PCMTD1: variants seen among roughly 807,000 people sequenced by gnomAD.
PCMTD1 encodes the protein protein-L-isoaspartate (D-aspartate) O-methyltransferase domain containing 1, also known as protein-L-isoaspartate O-methyltransferase domain-containing protein 1.
A neutral mutation model predicts 37.6 loss-of-function variants in PCMTD1; 12 were observed. The observed-to-expected ratio is 0.32, with a 90% confidence interval of 0.20 to 0.52. PCMTD1 has a LOEUF of 0.52. Among genes scored for constraint, PCMTD1 ranks in the 20% least tolerant of loss-of-function variants. The pLI, the probability that PCMTD1 is intolerant of heterozygous loss-of-function variation, is 0.97. For missense variants in PCMTD1, 235 were observed against 421.3 expected (o/e 0.56, Z 3.87); for synonymous variants, 117 against 135.8 (o/e 0.86, Z 0.96).
At position 51,844,604 on chromosome 8, in the gene PCMTD1, A is replaced by G. The variant is rs560506214; in HGVS notation, c.410+1057T>C. On this transcript the variant is annotated intron_variant, in intron 3 of 5. Transcript: ENST00000522514. The stretch of plus-strand genomic sequence containing the variant: ...TGGGATTGCAAAGGGGAATGAAACA[A>G]AAGTACAAGAGGAAGGGGAGGAAGG... 9.8e-5 allele frequency among the ~76,000 whole-genome samples: 15 copies of G among 152,306 alleles called. No homozygotes were observed. The South Asian group carries it at 2.5e-3, about 25-fold the overall frequency.
intron 1 of PCMTD1, among the ~76,000 whole-genome samples, chr8:51,870,790 T>C (rs2038627735): frequency 6.6e-6 from 1 of 152,210 alleles, no homozygotes; most frequent in Non-Finnish European, 1.5e-5. Context: ...GCTGAAAAGA[T>C]GTTCAATTCA....
At chr8:51,838,007 G>A (rs2038091980) in intron 3 of PCMTD1, among the ~76,000 whole-genome samples, 1 of 152,064 alleles carries the variant, frequency 6.6e-6, no homozygotes, top group Admixed American at 6.6e-5. Flanking sequence ...GGCTGGTTCT[G>A]AACTCCTGAA....
chr8:51,857,109 A>G (rs2038402059), intron 2 of PCMTD1, among the ~76,000 whole-genome samples: 1 of 152,238 alleles, frequency 6.6e-6, no homozygotes, highest in South Asian at 2.1e-4. Context: ...GTCCCATGAC[A>G]AAGAGAGAGA....
intron 2 of PCMTD1, among the ~76,000 whole-genome samples, 161 bp from the exon 3 acceptor site, chr8:51,845,924 C>T (rs1436449727): frequency 7.3e-5 from 11 of 151,714 alleles, no homozygotes; most frequent in South Asian, 2.1e-4. Flanking sequence ...TGGAAATCCA[C>T]GTACATTGCT....
intron 1 of PCMTD1, among the ~76,000 whole-genome samples, chr8:51,881,326 GTTTA>G (rs779526215): frequency 1.3e-5 from 2 of 152,278 alleles, no homozygotes; most frequent in South Asian, 2.1e-4. Flanking sequence ...TATCTCTTGT[GTTTA>G]TTTACCTCTG....
chr8:51,846,872 C>T (rs1020394200), intron 2 of PCMTD1, among the ~76,000 whole-genome samples: 15 of 152,100 alleles, frequency 9.9e-5, no homozygotes, highest in Admixed American at 3.3e-4. Flanking sequence ...ACCCAAAATC[C>T]AATAAGGATA....
intron 1 of PCMTD1, among the ~76,000 whole-genome samples, chr8:51,889,320 T>A (rs1212647404): frequency 3.9e-5 from 6 of 152,236 alleles, no homozygotes; most frequent in Admixed American, 2.0e-4. Context: ...CTATCATTAA[T>A]TGAGCACTTA....
intron 2 of PCMTD1, among the ~76,000 whole-genome samples, chr8:51,857,949 G>T (rs2038415283): frequency 6.6e-6 from 1 of 152,164 alleles, no homozygotes; most frequent in East Asian, 1.9e-4. Context: ...CCAAGACCGT[G>T]TCACCACGCT....
intron 5 of PCMTD1, chr8:51,826,870 A>T: frequency 1.2e-6 from 1 of 847,822 alleles, no homozygotes; most frequent in Non-Finnish European, 1.4e-6. Context: ...AACCACAGAA[A>T]GAAATAGGAT....
chr8:51,826,993 TTA>T, intron 5 of PCMTD1: 2 of 937,980 alleles, frequency 2.1e-6, no homozygotes, highest in Non-Finnish European at 2.5e-6. Context: ...GGCAAATAAT[TTA>T]TATATATATT....
chr8:51,859,952 G>A (rs985982487), intron 2 of PCMTD1, among the ~76,000 whole-genome samples: 4 of 151,724 alleles, frequency 2.6e-5, no homozygotes, highest in Non-Finnish European at 4.4e-5. Context: ...CTATTTTAAC[G>A]TATGCCACAC....
At chr8:51,892,047 TGAG>T (rs2038943761) in intron 1 of PCMTD1, among the ~76,000 whole-genome samples, 1 of 152,148 alleles carries the variant, frequency 6.6e-6, no homozygotes, top group Non-Finnish European at 1.5e-5. Context: ...CAGCAAACCA[TGAG>T]GAGCAGACAC....
At chr8:51,824,491 G>C (rs551615393) in intron 5 of PCMTD1, among the ~76,000 whole-genome samples, 1 of 152,298 alleles carries the variant, frequency 6.6e-6, no homozygotes, top group East Asian at 1.9e-4. Context: ...ACTTACAAGG[G>C]ATGTGAAGGA....
In PCMTD1 at chr8:51,865,735, T is replaced by C. The variant is rs181318891; in HGVS notation, c.-95-4489A>G. ...ACAAACATACTCAATGATGAAAAGT[T>C]GAAAGGTTTTCCACGATCAGGAATA... On this transcript the variant is annotated intron_variant, in intron 1 of 5. Transcript: ENST00000522514. Among the ~76,000 whole-genome samples, 7 of 152,056 alleles carry C rather than the reference T, an allele frequency of 4.6e-5. No individual in the cohort carries two copies. In the East Asian group the frequency reaches 1.4e-3, roughly 29 times the overall value.
At chr8:51,855,362 T>C (rs1585818972) in intron 2 of PCMTD1, among the ~76,000 whole-genome samples, 1 of 147,348 alleles carries the variant, frequency 6.8e-6, no homozygotes, top group Non-Finnish European at 1.5e-5. Flanking sequence ...ACCCCGTCTT[T>C]AATACCAAAA....
chr8:51,860,304 C>T (rs1466408165), intron 2 of PCMTD1, among the ~76,000 whole-genome samples: 1 of 152,182 alleles, frequency 6.6e-6, no homozygotes, highest in South Asian at 2.1e-4. Context: ...AAATCTTAGT[C>T]CCTTTTGATC....
chr8:51,859,091 C>T (rs2038434236), intron 2 of PCMTD1, among the ~76,000 whole-genome samples: 1 of 152,120 alleles, frequency 6.6e-6, no homozygotes, highest in Admixed American at 6.5e-5. Context: ...ATTGACCTCC[C>T]TCAGCACGAG....
intron 3 of PCMTD1, among the ~76,000 whole-genome samples, chr8:51,834,663 C>T (rs1213945910): frequency 6.6e-6 from 1 of 152,156 alleles, no homozygotes; most frequent in Non-Finnish European, 1.5e-5. Flanking sequence ...AAAAATAACA[C>T]TGATTTGAAT....
At chr8:51,884,425 A>G (rs747241681) in intron 1 of PCMTD1, among the ~76,000 whole-genome samples, 2 of 152,254 alleles carry the variant, frequency 1.3e-5, no homozygotes, top group Non-Finnish European at 2.9e-5. Context: ...CATTTTACCT[A>G]AAAGAAAAGT....
Sources: allele counts gnomAD v4.1 joint callset (sites outside exome capture counted in the v4.1 genomes callset), GRCh38; gene constraint gnomAD v4.1.1; transcripts MANE v1.5; gene names NCBI Gene and HGNC (gene_info 2026-07-23, HGNC 2026-07-21).